PRRG1: variants seen among roughly 807,000 people sequenced by gnomAD.
The protein encoded by PRRG1 is proline rich and Gla domain 1.
In PRRG1, 5 loss-of-function variants were observed where a neutral mutation model predicts 11.8. That is an observed-to-expected ratio of 0.42 (90% CI 0.22 to 0.89). PRRG1 has a LOEUF of 0.89. Ranked by LOEUF, PRRG1 falls within the 40% of genes least tolerant of loss-of-function variation. The pLI, the probability that PRRG1 is intolerant of heterozygous loss-of-function variation, is 0.28. For missense variants in PRRG1, 155 were observed against 166.1 expected, an observed-to-expected ratio of 0.93 and a Z score of 0.37; for synonymous variants, 66 against 60.4, an observed-to-expected ratio of 1.09 and a Z score of -0.43.
At chrX:37,448,684 A>G (rs1921006741) in intron 3 of PRRG1, among the ~76,000 whole-genome samples, 1 of 112,421 alleles carries the variant, frequency 8.9e-6, no homozygotes, top group African/African-American at 3.2e-5. Flanking sequence ...AGTAAATTGA[A>G]TTGATGCTTA....
At chrX:37,364,476 C>T (rs989820738) in intron 1 of PRRG1, among the ~76,000 whole-genome samples, 2 of 112,125 alleles carry the variant, frequency 1.8e-5, no homozygotes, top group Non-Finnish European at 3.8e-5. Flanking sequence ...TTATACTGCA[C>T]TCTAGGTTTA....
intron 1 of PRRG1, among the ~76,000 whole-genome samples, chrX:37,363,185 T>C (rs1179616343): frequency 1.8e-5 from 2 of 112,074 alleles, no homozygotes; most frequent in East Asian, 5.6e-4. Flanking sequence ...CCAAGCTCAC[T>C]TTGGAGGTAT....
chrX:37,390,338 T>C (rs1296523830), intron 1 of PRRG1, among the ~76,000 whole-genome samples: 3 of 111,239 alleles, frequency 2.7e-5, no homozygotes, highest in African/African-American at 9.8e-5. Context: ...ACAATCCAAA[T>C]GTCTATCACT....
intron 3 of PRRG1, among the ~76,000 whole-genome samples, chrX:37,452,013 T>A (rs1921159336): frequency 8.9e-6 from 1 of 111,744 alleles, no homozygotes; most frequent in African/African-American, 3.3e-5. Context: ...AAGGGCTCCC[T>A]CCCTTGATGC....
chrX:37,421,407 A>G (rs1932657216), intron 2 of PRRG1, among the ~76,000 whole-genome samples: 1 of 112,117 alleles, frequency 8.9e-6, no homozygotes, highest in African/African-American at 3.2e-5. Context: ...CACATCATAT[A>G]ATCCTTGATT....
chrX:37,388,324 G>A (rs1259353848), intron 1 of PRRG1, among the ~76,000 whole-genome samples: 1 of 112,691 alleles, frequency 8.9e-6, no homozygotes, highest in Non-Finnish European at 1.9e-5. Flanking sequence ...TGACGTGTGT[G>A]GGGGCTCCAA....
intron 2 of PRRG1, among the ~76,000 whole-genome samples, chrX:37,414,757 C>T (rs1932441802): frequency 8.9e-6 from 1 of 112,870 alleles, no homozygotes; most frequent in South Asian, 3.7e-4. Flanking sequence ...ATCTGCGACT[C>T]ATGAACATTA....
chrX:37,362,576 C>T (rs1556367927), intron 1 of PRRG1, among the ~76,000 whole-genome samples: 1 of 111,619 alleles, frequency 9.0e-6, no homozygotes, highest in Non-Finnish European at 1.9e-5. Flanking sequence ...AACCTTTCTT[C>T]TGTTTTTTCT....
At chrX:37,354,925 GT>G (rs782299318) in intron 1 of PRRG1, among the ~76,000 whole-genome samples, 1 of 109,413 alleles carries the variant, frequency 9.1e-6, no homozygotes, top group Non-Finnish European at 1.9e-5. Context: ...TTGTTTGTTT[GT>G]TTTTTGAGAC....
chrX:37,353,594 A>G (rs1930140431), intron 1 of PRRG1, among the ~76,000 whole-genome samples: 1 of 112,027 alleles, frequency 8.9e-6, no homozygotes, highest in Non-Finnish European at 1.9e-5. Flanking sequence ...TGCAGGCTCT[A>G]TTCATGGTAA....
Position 37,453,705 on chromosome X carries a change from A to G in PRRG1, c.*84A>G. ...GCACTTTACCACTACATAAATGTTC[A>G]TTGACTTATTTTATTGGACTCTTAC... On this transcript the variant is annotated 3_prime_UTR_variant, in exon 4 of 4. Coordinates refer to ENST00000378628, the MANE Select transcript of PRRG1 (RefSeq NM_001142395.2). 1.0e-6 allele frequency: 1 copy of G among 953,466 alleles called. No individual in the cohort carries two copies. Among genetic ancestry groups the G allele is most frequent in the East Asian group, 3.3e-5 (1 of 30,112 alleles). The allele number at this position is 953,466 out of a possible 1,213,427, so 78.6% of individuals were successfully genotyped here.
intron 1 of PRRG1, among the ~76,000 whole-genome samples, chrX:37,400,240 C>A (rs782322126): frequency 1.2e-4 from 13 of 111,458 alleles, no homozygotes; most frequent in African/African-American, 4.3e-4. Flanking sequence ...AAGTAAAGCA[C>A]TCCTCAGCAA....
At chrX:37,433,354 G>A (rs1330037938) in intron 3 of PRRG1, among the ~76,000 whole-genome samples, 28 of 111,262 alleles carry the variant, frequency 2.5e-4, no homozygotes, top group African/African-American at 8.5e-4. Flanking sequence ...TTTCTTGTGC[G>A]TCCTCACATA....
chrX:37,406,660 CAGT>C (rs1171758110), intron 2 of PRRG1, among the ~76,000 whole-genome samples: 2 of 110,222 alleles, frequency 1.8e-5, no homozygotes, highest in African/African-American at 6.6e-5. Flanking sequence ...CAGCCAATAA[CAGT>C]AGTAAAAAAA....
At position 37,453,242 on chromosome X, in the gene PRRG1, T is replaced by C; in HGVS notation, c.278T>C (p.Ile93Thr). The C allele has an allele frequency of 1.7e-6, 2 of 1,211,039 alleles. No homozygotes were observed. Among genetic ancestry groups the C allele is most frequent in the South Asian group, 3.5e-5 (2 of 56,942 alleles). Reference protein sequence around the residue: ...LTFPLIFGLFIILLVIFLIWR... With the variant: ...LTFPLIFGLFTILLVIFLIWR... ...TTTCCGTTAATCTTTGGCCTCTTCATTATCCTCCTTGTCATTTTCCTAATC... is the reference window on the plus strand; with the variant it reads ...TTTCCGTTAATCTTTGGCCTCTTCACTATCCTCCTTGTCATTTTCCTAATC... Residue 93 changes from isoleucine to threonine, a missense_variant, in exon 4 of 4, where the codon ATT (isoleucine) becomes ACT (threonine). Coordinates refer to ENST00000378628, the MANE Select transcript of PRRG1 (RefSeq NM_001142395.2).
intron 1 of PRRG1, among the ~76,000 whole-genome samples, chrX:37,364,565 C>T (rs1930511192): frequency 9.0e-6 from 1 of 111,680 alleles, no homozygotes; most frequent in Non-Finnish European, 1.9e-5. Context: ...GGTTTCATGT[C>T]CACAGAACAC....
chrX:37,405,803 T>C (rs782233153), intron 1 of PRRG1, among the ~76,000 whole-genome samples: 10 of 111,721 alleles, frequency 9.0e-5, no homozygotes, highest in Non-Finnish European at 1.9e-4. Flanking sequence ...CAGAATGATA[T>C]TGAAGGGAAG....
chrX:37,370,399 G>A (rs1024337300), intron 1 of PRRG1, among the ~76,000 whole-genome samples: 1 of 111,772 alleles, frequency 8.9e-6, no homozygotes, highest in East Asian at 2.8e-4. Flanking sequence ...AGCAGTCGCT[G>A]CCATGACACT....
At chrX:37,441,648 C>T (rs1485286616) in intron 3 of PRRG1, 14 of 799,752 alleles carry the variant, frequency 1.8e-5, no homozygotes, top group South Asian at 5.3e-5. Flanking sequence ...CCTTCTACTT[C>T]GACCGGGACA....
Sources: gnomAD v4.1 joint callset for allele counts (sites outside exome capture counted in the v4.1 genomes callset) on GRCh38, gnomAD v4.1.1 for gene constraint, MANE v1.5 for transcripts, NCBI Gene and HGNC (gene_info 2026-07-23, HGNC 2026-07-21) for gene names.